The following TRAPPC8 variants were observed in gnomAD, a reference collection of about 807,000 sequenced individuals.
The protein encoded by TRAPPC8 is trafficking protein particle complex subunit 8, also known as general sporulation gene 1 homolog.
In TRAPPC8, 54 loss-of-function variants were observed where a neutral mutation model predicts 174.3. That is an observed-to-expected ratio of 0.31 (90% CI 0.25 to 0.39). TRAPPC8 has a LOEUF of 0.39. TRAPPC8 is among the 10% of genes least tolerant of loss of function. TRAPPC8 has a pLI of 1.00. For missense variants in TRAPPC8, 1,531 were observed against 1,699.1 expected (o/e 0.90, Z 1.74); for synonymous variants, 630 against 579.9 (o/e 1.09, Z -1.24).
Position 31,907,592 on chromosome 18 carries a change from T to C in TRAPPC8, c.1257A>G (p.Pro419=). ...TSGLLYPPEA[P]ELQIRKMADL... ...CAGCCATTTTCCTGATTTGAAGTTC[T>C]GGTGCTTCCGGCGGATACCTGTAAA... The change falls in exon 9 of 29, where the codon CCA becomes CCG. Residue 419 remains proline, a synonymous_variant. Transcript: ENST00000283351. 6.2e-7 allele frequency: 1 copy of C among 1,610,072 alleles called. No individual in the cohort carries two copies.
intron 27 of TRAPPC8, among the ~76,000 whole-genome samples, chr18:31,834,585 T>C (rs1031441361): frequency 1.3e-5 from 2 of 152,232 alleles, no homozygotes; most frequent in Non-Finnish European, 2.9e-5. Context: ...TTTTCTCAAC[T>C]GTAAACTGCA....
At chr18:31,926,969 A>G (rs1272998936) in intron 2 of TRAPPC8, among the ~76,000 whole-genome samples, 1 of 152,232 alleles carries the variant, frequency 6.6e-6, no homozygotes, top group Non-Finnish European at 1.5e-5. Flanking sequence ...ATAGACAGCC[A>G]TATAAAAATA....
At chr18:31,859,756 G>C (rs1049398856) in intron 19 of TRAPPC8, among the ~76,000 whole-genome samples, 2 of 152,162 alleles carry the variant, frequency 1.3e-5, no homozygotes, top group African/African-American at 4.8e-5. Context: ...AGGCACAGTG[G>C]CTCACGCCTG....
At chr18:31,887,818 C>A (rs1368201922) in intron 12 of TRAPPC8, among the ~76,000 whole-genome samples, 1 of 152,008 alleles carries the variant, frequency 6.6e-6, no homozygotes, top group African/African-American at 2.4e-5. Context: ...CTCACCACTG[C>A]TATTCAACAT....
chr18:31,929,643 T>C (rs1393018149), intron 2 of TRAPPC8, among the ~76,000 whole-genome samples: 2 of 152,038 alleles, frequency 1.3e-5, no homozygotes, highest in African/African-American at 4.8e-5. Flanking sequence ...TCCAGCCTGG[T>C]TGACAGAGTG....
At position 31,909,540 on chromosome 18, in the gene TRAPPC8, T is replaced by C. The variant is rs2036818951; in HGVS notation, c.865+127A>G. 4 of 1,403,646 alleles carry C rather than the reference T, an allele frequency of 2.8e-6. No homozygotes were observed. The South Asian group carries it at 6.5e-5, about 23-fold the overall frequency. The allele number at this position is 1,403,646 out of a possible 1,614,324, so 86.9% of individuals were successfully genotyped here. A position where few individuals can be genotyped will look rare whatever the true frequency, so the allele number is the denominator to read the frequency against. On this transcript the variant is annotated intron_variant, in intron 6 of 28. Coordinates refer to ENST00000283351, the MANE Select transcript of TRAPPC8 (RefSeq NM_014939.5). ...TCAGTAAAATCTTCAGAAGAAAAAC[T>C]AACCTGCCCAATATCTTTCTGTATT...
At position 31,931,478 on chromosome 18, in the gene TRAPPC8, A is replaced by C; in HGVS notation, c.203T>G (p.Leu68Trp). The C allele has an allele frequency of 6.2e-7, 1 of 1,606,646 alleles. No homozygotes were observed. The stretch of plus-strand genomic sequence containing the variant: ...GACAATGTTGCTTACTGCTATCTTC[A>C]AATTTTTAATTACGTGAAGTTGATT... ...PNNQLHVIKNLKIAVSNIVTQ... is the reference protein window; with the variant it reads ...PNNQLHVIKNWKIAVSNIVTQ... The change falls in exon 2 of 29, where the codon TTG becomes TGG. Residue 68 changes from leucine to tryptophan, a missense_variant. Transcript: ENST00000283351.
At chr18:31,870,021 G>A (rs113208588) in intron 16 of TRAPPC8, 4,563 of 154,126 alleles carry the variant, frequency 0.03, 246 homozygotes, top group African/African-American at 0.1. Flanking sequence ...GAACCTGGGA[G>A]GCAGAGGTTG....
At chr18:31,877,794 G>A (rs557763120) in intron 12 of TRAPPC8, among the ~76,000 whole-genome samples, 23 of 151,618 alleles carry the variant, frequency 1.5e-4, no homozygotes, top group East Asian at 1.4e-3. Flanking sequence ...GTGGTGGCGC[G>A]TGCCTGTAAT....
chr18:31,833,597 A>T (rs1057314005), intron 27 of TRAPPC8, among the ~76,000 whole-genome samples: 1 of 152,116 alleles, frequency 6.6e-6, no homozygotes, highest in South Asian at 2.1e-4. Flanking sequence ...TTCTTTAACC[A>T]TGTTTCTCAC....
intron 12 of TRAPPC8, among the ~76,000 whole-genome samples, chr18:31,878,593 T>C (rs986658007): frequency 2.6e-5 from 4 of 152,184 alleles, no homozygotes; most frequent in African/African-American, 9.7e-5. Context: ...AAGGCAGTTA[T>C]ACAATTGGGA....
chr18:31,900,990 T>C lies in TRAPPC8; in HGVS notation c.1425A>G (p.Gly475=). ...MAAVSAFLQP[G]APRPYPAHYM... ...AATGAGCAGGATATGGCCTAGGTGC[T>C]CCTGGTTGAAGAAAAGCAGACACTG... The change falls in exon 10 of 29, where the codon GGA becomes GGG. Residue 475 remains glycine, a synonymous_variant. Transcript: ENST00000283351. The C allele has an allele frequency of 6.3e-7, 1 of 1,587,404 alleles. No homozygotes were observed. Among genetic ancestry groups the C allele is most frequent in the Non-Finnish European group, 8.5e-7 (1 of 1,172,660 alleles).
chr18:31,863,545 G>A (rs769737473), intron 19 of TRAPPC8, among the ~76,000 whole-genome samples: 1 of 152,066 alleles, frequency 6.6e-6, no homozygotes, highest in African/African-American at 2.4e-5. Context: ...ATGCTGTTAA[G>A]GACAAAAAGC....
chr18:31,899,628 G>C (rs550374349), intron 10 of TRAPPC8, among the ~76,000 whole-genome samples: 1 of 152,124 alleles, frequency 6.6e-6, no homozygotes, highest in Non-Finnish European at 1.5e-5. Flanking sequence ...TTACTACTAC[G>C]TAAGTCTTCA....
At chr18:31,875,353 A>C (rs185200780) in intron 12 of TRAPPC8, among the ~76,000 whole-genome samples, 1,706 of 150,010 alleles carry the variant, frequency 0.011, 17 homozygotes, top group Non-Finnish European at 0.017. Flanking sequence ...ATAATATATA[A>C]ATAAACTTTT....
chr18:31,902,020 A>T (rs2036449619), intron 9 of TRAPPC8, among the ~76,000 whole-genome samples: 1 of 152,176 alleles, frequency 6.6e-6, no homozygotes, highest in Admixed American at 6.5e-5. Flanking sequence ...TCCCACCAAA[A>T]ATATGCTGAA....
Position 31,846,064 on chromosome 18 carries a change from TATAGAG to T in TRAPPC8, c.3837+646_3837+651del, listed in dbSNP as rs1000615114. Among the ~76,000 whole-genome samples the T allele has an allele frequency of 6.6e-4, 101 of 152,088 alleles. 1 individual carries two copies. The highest frequency in any genetic ancestry group is 3.2e-4 in the Non-Finnish European group (22 of 68,016). On this transcript the variant is annotated intron_variant, in intron 26 of 28. Transcript: ENST00000283351. ...TATCCTGTTATAACAAATAAGAAAA[TATAGAG>T]ATATAGTTTCTCTACTCTTAAGCAA...
intron 2 of TRAPPC8, among the ~76,000 whole-genome samples, chr18:31,922,943 G>A (rs1205933287): frequency 6.6e-6 from 1 of 152,166 alleles, no homozygotes; most frequent in Admixed American, 6.5e-5. Flanking sequence ...CTTGAGCCCA[G>A]GAGGCAGAGG....
chr18:31,902,978 G>A (rs1015262556), intron 9 of TRAPPC8, among the ~76,000 whole-genome samples: 1 of 151,386 alleles, frequency 6.6e-6, no homozygotes, highest in Non-Finnish European at 1.5e-5. Flanking sequence ...GAACCCCGGG[G>A]AGCGGAGCCT....
Sources: allele counts gnomAD v4.1 joint callset (sites outside exome capture counted in the v4.1 genomes callset), GRCh38; gene constraint gnomAD v4.1.1; transcripts MANE v1.5; gene names NCBI Gene and HGNC (gene_info 2026-07-23, HGNC 2026-07-21).